The following ERICH1 variants were observed in gnomAD, a reference collection of about 807,000 sequenced individuals.
ERICH1 encodes glutamate-rich protein 1.
A neutral mutation model predicts 39.6 loss-of-function variants in ERICH1; 56 were observed. The ratio of observed to expected loss-of-function variants is 1.41; its 90% CI spans 1.14 to 1.77. The LOEUF is 1.77. Ranked by LOEUF, ERICH1 falls within the 40% of genes most tolerant of loss-of-function variation. ERICH1 has a pLI of 0.00. For synonymous variants in ERICH1, 313 were observed against 223.6 expected, an observed-to-expected ratio of 1.40 and a Z score of -3.57; for missense variants, 826 against 575.4, an observed-to-expected ratio of 1.44 and a Z score of -4.45.
intron 3 of ERICH1, among the ~76,000 whole-genome samples, chr8:688,310 C>CCCGGCCCCGCCCCGCT: frequency 1.3e-5 from 1 of 78,458 alleles, no homozygotes; most frequent in Non-Finnish European, 2.9e-5. Context: ...GCCGCCCCGC[C>CCCGGCCCCGCCCCGCT]CCGGGCCACC....
rs1799549544 is a variant in ERICH1, at chr8:647,698, C to A, written c.976+20900G>T. 3.1e-5 allele frequency among the ~76,000 whole-genome samples: 2 copies of A among 65,422 alleles called. 1 individual carries two copies. The highest frequency in any genetic ancestry group is 8.0e-5 in the African/African-American group (2 of 24,974). The allele number at this position is 65,422 out of a possible 152,430, so 42.9% of individuals were successfully genotyped here. ...TTGAGCCAGCCCACTCCTGGATGAG[C>A]CTCAGAAACACTCCCCACAGCCTCC... On this transcript the variant is annotated intron_variant, in intron 3 of 3. Coordinates refer to the ERICH1 transcript ENST00000522706.
intron 3 of ERICH1, chr8:616,237 T>G: frequency 4.1e-6 from 1 of 243,674 alleles, no homozygotes; most frequent in Non-Finnish European, 8.3e-6. Flanking sequence ...AGTTTCTCTG[T>G]GTTCAAATGG....
At chr8:702,320 C>A (rs1389703381) in intron 2 of ERICH1, among the ~76,000 whole-genome samples, 1 of 152,116 alleles carries the variant, frequency 6.6e-6, no homozygotes, top group Non-Finnish European at 1.5e-5. Context: ...TTAACCGGGG[C>A]CTGGAGAAAC....
intron 3 of ERICH1, among the ~76,000 whole-genome samples, chr8:641,894 C>T (rs750607620): frequency 1.3e-5 from 2 of 152,232 alleles, no homozygotes; most frequent in Non-Finnish European, 2.9e-5. Context: ...TTTCTTCTGA[C>T]CCCATCTCGT....
At chr8:692,423 G>T in intron 3 of ERICH1, 55 bp downstream of exon 3, 1 of 1,610,544 alleles carries the variant, frequency 6.2e-7, no homozygotes, top group South Asian at 1.1e-5. Context: ...AGAAAATTGG[G>T]AAATACGAGC....
chr8:677,701 T>G (rs891873938), intron 3 of ERICH1, among the ~76,000 whole-genome samples: 1 of 152,174 alleles, frequency 6.6e-6, no homozygotes, highest in African/African-American at 2.4e-5. Flanking sequence ...AAGATGAAAT[T>G]AAGCCTCTCC....
chr8:724,583 A>G (rs1179969687), intron 1 of ERICH1, among the ~76,000 whole-genome samples: 2 of 152,172 alleles, frequency 1.3e-5, no homozygotes, highest in Non-Finnish European at 1.5e-5. Context: ...TCACCAAAAC[A>G]AGGCTGGGCT....
intron 2 of ERICH1, among the ~76,000 whole-genome samples, chr8:708,681 G>GTTTTTTGTTTTTTTTTTTTTTGTTTTTT: frequency 1.5e-5 from 1 of 65,816 alleles, no homozygotes; most frequent in Non-Finnish European, 3.0e-5. Context: ...GGGATAATGA[G>GTTTTTTGTTTTTTTTTTTTTTGTTTTTT]TTTTTTTTTT....
At chr8:631,684 T>C (rs1204130459) in intron 3 of ERICH1, among the ~76,000 whole-genome samples, 2 of 152,298 alleles carry the variant, frequency 1.3e-5, no homozygotes, top group African/African-American at 4.8e-5. Flanking sequence ...AGAGCCCTTT[T>C]TCAGTGTGCT....
intron 3 of ERICH1, among the ~76,000 whole-genome samples, chr8:683,523 T>C (rs1292833840): frequency 6.6e-6 from 1 of 152,186 alleles, no homozygotes; most frequent in African/African-American, 2.4e-5. Flanking sequence ...TCTCTCTTAA[T>C]AGATCTGAAT....
intron 3 of ERICH1, among the ~76,000 whole-genome samples, chr8:630,887 C>CCA (rs138505128): frequency 5.8e-4 from 48 of 82,222 alleles, no homozygotes; most frequent in African/African-American, 1.6e-3. Flanking sequence ...CTGTGACCAC[C>CCA]CACAGACAGA....
intron 3 of ERICH1, 79 bp downstream of exon 3, chr8:692,399 G>T: frequency 6.3e-7 from 1 of 1,597,646 alleles, no homozygotes; most frequent in Non-Finnish European, 8.5e-7. Flanking sequence ...TTTAGATAAA[G>T]GTATTACAAT....
rs762508893 is a variant in ERICH1 at position 673,626 on chromosome 8, C to T, written c.726G>A (p.Leu242=). 3.9e-6 allele frequency: 6 copies of T among 1,556,622 alleles called. No homozygotes were observed. The East Asian group carries it at 1.4e-4, about 35-fold the overall frequency. The change falls in exon 4 of 6, where the codon CTG becomes CTA. Residue 242 remains leucine, a synonymous_variant. Coordinates refer to ENST00000262109, the MANE Select transcript of ERICH1 (RefSeq NM_207332.3). ...EDGADASEED[L]TRARQEEGAD... Reference sequence around the variant, plus strand: ...CACCCTCTTCCTGCCTGGCCCGTGTCAGGTCTTCCTCGCTAGCGTCCGCAC... The same window carrying T: ...CACCCTCTTCCTGCCTGGCCCGTGTTAGGTCTTCCTCGCTAGCGTCCGCAC...
In ERICH1 at chr8:673,548, G is replaced by A. The variant is rs1387504904; in HGVS notation, c.804C>T (p.Asp268=). 4.4e-5 allele frequency: 71 copies of A among 1,603,752 alleles called. No homozygotes were observed. The highest frequency in any genetic ancestry group is 5.8e-5 in the Non-Finnish European group (68 of 1,177,278). Residue 268 remains aspartate (D), a synonymous_variant, in exon 4 of 6, where the codon GAC becomes GAT. Transcript: ENST00000262109. Reference sequence around the variant, plus strand: ...TGTCCACACCGTCCTCCTCCCTGGCGTCTTTAACGTCTTCCTCCCCGGCCG... The same window carrying A: ...TGTCCACACCGTCCTCCTCCCTGGCATCTTTAACGTCTTCCTCCCCGGCCG... ...PTPAGEEDVK[D]AREEDGVDTI... is the part of the protein sequence containing the mutation.
chr8:690,521 CGCTGCGGGG>C (rs1219081621), intron 3 of ERICH1, among the ~76,000 whole-genome samples: 1 of 152,240 alleles, frequency 6.6e-6, no homozygotes, highest in East Asian at 1.9e-4. Flanking sequence ...CAGCAAGTGC[CGCTGCGGGG>C]GCCTAGATGG....
chr8:687,356 T>G (rs1807660376), intron 3 of ERICH1, among the ~76,000 whole-genome samples: 1 of 152,234 alleles, frequency 6.6e-6, no homozygotes, highest in African/African-American at 2.4e-5. Flanking sequence ...AATATTGACT[T>G]AAGACTTAAT....
intron 1 of ERICH1, among the ~76,000 whole-genome samples, chr8:728,127 C>T (rs1053103315): frequency 6.6e-6 from 1 of 152,322 alleles, no homozygotes; most frequent in East Asian, 1.9e-4. Flanking sequence ...TTGCCTCCTC[C>T]GGAAATGTCC....
intron 2 of ERICH1, among the ~76,000 whole-genome samples, chr8:699,496 G>A (rs543279719): frequency 2.0e-4 from 30 of 152,292 alleles, no homozygotes; most frequent in African/African-American, 7.2e-4. Context: ...TGGTATCTCC[G>A]CTGGGCGCCG....
At chr8:633,224 T>G (rs1236665838) in intron 3 of ERICH1, among the ~76,000 whole-genome samples, 2 of 152,198 alleles carry the variant, frequency 1.3e-5, no homozygotes. Flanking sequence ...GACTCTGTTC[T>G]GAGGTTCACA....
Sources: allele counts gnomAD v4.1 joint callset (sites outside exome capture counted in the v4.1 genomes callset), GRCh38; gene constraint gnomAD v4.1.1; transcripts MANE v1.5; gene names NCBI Gene and HGNC (gene_info 2026-07-23, HGNC 2026-07-21).